Variants in ICE1 observed in about 807,000 individuals in gnomAD.
The protein encoded by ICE1 is little elongation complex subunit 1.
ICE1 carries 64 observed loss-of-function variants against 192.7 expected under a neutral mutation model. The ratio of observed to expected loss-of-function variants is 0.33; its 90% CI spans 0.27 to 0.41. The LOEUF (loss-of-function observed/expected upper bound fraction) is 0.41, where lower values mean the gene tolerates loss of function less well. Among genes scored for constraint, ICE1 ranks in the 10% least tolerant of loss-of-function variants. The pLI is 1.00. For missense variants in ICE1, 2,708 were observed against 2,696.0 expected (o/e 1.00, Z -0.10); for synonymous variants, 1,010 against 984.5 (o/e 1.03, Z -0.49).
At chr5:5,458,897 G>A (rs912114961) in intron 12 of ICE1, among the ~76,000 whole-genome samples, 8 of 151,954 alleles carry the variant, frequency 5.3e-5, no homozygotes, top group Non-Finnish European at 1.2e-4. Context: ...TTTTGAGACA[G>A]AGTCTCACTC....
At chr5:5,470,602 A>T (rs1483456572) in intron 15 of ICE1, among the ~76,000 whole-genome samples, 1 of 152,246 alleles carries the variant, frequency 6.6e-6, no homozygotes, top group African/African-American at 2.4e-5. Flanking sequence ...AGTACAGTTC[A>T]TTAATTTAAA....
Position 5,464,592 on chromosome 5 carries a change from A to G in ICE1, c.5258A>G (p.Asp1753Gly). 6.2e-7 allele frequency: 1 copy of G among 1,611,696 alleles called. No individual in the cohort carries two copies. ...CAGGAGAATTCTGTGAAAATCCTTG[A>G]CACCATGTATCCAGAGTTATCTGCC... The part of the protein sequence containing the change: ...GPQENSVKIL[D>G]TMYPELSARA... Residue 1753 changes from aspartate (D) to glycine (G), a missense_variant, in exon 13 of 19, where the codon GAC becomes GGC. Coordinates refer to ENST00000296564, the MANE Select transcript of ICE1 (RefSeq NM_015325.3). This position sits in a 1 kb window ranked among gnomAD's most constrained non-coding sequence, Gnocchi z 4.0.
At chr5:5,466,231 T>C in intron 13 of ICE1, 103 bp from the exon 14 acceptor site, 2 of 1,065,438 alleles carry the variant, frequency 1.9e-6, no homozygotes, top group Non-Finnish European at 2.6e-6. Flanking sequence ...GCAAGTTTTA[T>C]TTTTTCAATA....
intron 12 of ICE1, among the ~76,000 whole-genome samples, chr5:5,458,844 T>G (rs1425923626): frequency 2.6e-5 from 4 of 152,128 alleles, no homozygotes; most frequent in South Asian, 2.1e-4. Flanking sequence ...ACAGGCAGGG[T>G]AGCGGCTTAA....
At position 5,441,215 on chromosome 5, in the gene ICE1, G is replaced by A. The variant is rs1259294133; in HGVS notation, c.301G>A (p.Glu101Lys). Residue 101 changes from glutamate to lysine, a missense_variant, in exon 5 of 19, where the codon GAG (glutamate) becomes AAG (lysine). Coordinates refer to ENST00000296564, the MANE Select transcript of ICE1 (RefSeq NM_015325.3). ...GGGATCTTTAAAAGCAGAGCTAGAA[G>A]AGAAAAAGGTATGAACAATAATTTT... is the stretch of plus-strand genomic sequence containing the variant. ...ELGSLKAELEEKKSSLKLYQD... is the reference protein window; with the variant it reads ...ELGSLKAELEKKKSSLKLYQD... 6.5e-7 allele frequency: 1 copy of A among 1,538,960 alleles called. No individual in the cohort carries two copies. Among genetic ancestry groups the A allele is most frequent in the South Asian group, 1.2e-5 (1 of 83,840 alleles).
In ICE1 at chr5:5,489,647, C is replaced by T. The variant is rs1739734088; in HGVS notation, c.*317C>T. 1 of 193,624 alleles carries T rather than the reference C, an allele frequency of 5.2e-6. No homozygotes were observed. The highest frequency in any genetic ancestry group is 1.2e-4 in the East Asian group (1 of 8,088). The allele number at this position is 193,624 out of a possible 1,614,324, so 12.0% of individuals were successfully genotyped here. ...GCTGCAGAAAGTGTCCTTTTAGTGG[C>T]TTCTTAAAATTGAGTGGCATTTTAT... On this transcript the variant is annotated 3_prime_UTR_variant, in exon 19 of 19. Coordinates refer to ENST00000296564, the MANE Select transcript of ICE1 (RefSeq NM_015325.3).
intron 1 of ICE1, among the ~76,000 whole-genome samples, chr5:5,433,730 G>A (rs555016026): frequency 6.6e-6 from 1 of 152,214 alleles, no homozygotes; most frequent in South Asian, 2.1e-4. Flanking sequence ...AATACTGGGA[G>A]TTAGGACTTA....
chr5:5,423,437 T>C (rs577775379), intron 1 of ICE1, among the ~76,000 whole-genome samples: 8 of 16,090 alleles, frequency 5.0e-4, no homozygotes, highest in Non-Finnish European at 7.3e-4. Context: ...ACGTGACATG[T>C]GGGTTGTCTG....
At chr5:5,459,341 A>G (rs1738684490) in intron 12 of ICE1, among the ~76,000 whole-genome samples, 1 of 152,166 alleles carries the variant, frequency 6.6e-6, no homozygotes, top group Admixed American at 6.5e-5. Context: ...AATAGCAAAT[A>G]TAAGAAGTGA....
At chr5:5,446,342 T>C (rs1384811230) in intron 7 of ICE1, among the ~76,000 whole-genome samples, 1 of 152,118 alleles carries the variant, frequency 6.6e-6, no homozygotes, top group Non-Finnish European at 1.5e-5. Flanking sequence ...TCACCTAGGC[T>C]GGAGTACAGT....
Position 5,461,891 on chromosome 5 carries a change from G to A in ICE1, c.2557G>A (p.Val853Met). Reference sequence around the variant, plus strand: ...TGTAGAATTCAAGACCACTGCATCGGTGTTGCCTAATCAAGTATCAGTTAT... The same window carrying A: ...TGTAGAATTCAAGACCACTGCATCGATGTTGCCTAATCAAGTATCAGTTAT... ...NPVEFKTTAS[V>M]LPNQVSVITK... Residue 853 changes from valine (V) to methionine (M), a missense_variant, in exon 13 of 19, where the codon GTG becomes ATG. This residue lies in a region of ICE1 where 2,366 missense variants were observed against 2,276.6 expected (regional missense o/e 1.04). Coordinates refer to ENST00000296564, the MANE Select transcript of ICE1 (RefSeq NM_015325.3). 6.2e-7 allele frequency: 1 copy of A among 1,613,862 alleles called. No homozygotes were observed. Among genetic ancestry groups the A allele is most frequent in the African/African-American group, 1.3e-5 (1 of 75,050 alleles).
chr5:5,471,052 GTAAC>G (rs1191001515), intron 15 of ICE1, among the ~76,000 whole-genome samples: 1 of 152,144 alleles, frequency 6.6e-6, no homozygotes, highest in Non-Finnish European at 1.5e-5. Context: ...AGAGATAGTA[GTAAC>G]TAAGTGGAAA....
chr5:5,473,422 A>C (rs749206366), intron 15 of ICE1, 136 bp from the exon 16 acceptor site: 5 of 725,604 alleles, frequency 6.9e-6, no homozygotes, highest in Non-Finnish European at 1.1e-5. Context: ...ATGGTTCCTT[A>C]GTCAAACTGT....
At position 5,461,744 on chromosome 5, in the gene ICE1, A is replaced by G. The variant is rs748596429; in HGVS notation, c.2410A>G (p.Ser804Gly). Residue 804 changes from serine (S) to glycine (G), a missense_variant, in exon 13 of 19, where the codon AGT (serine) becomes GGT (glycine). By Grantham distance (56) the Ser-to-Gly change is moderately conservative. Transcript: ENST00000296564. ...SDLLRKGGEE[S>G]LRAKSEHEQK... The stretch of plus-strand genomic sequence containing the variant: ...TTTATTAAGGAAAGGTGGCGAAGAA[A>G]GTCTGAGAGCCAAATCAGAACATGA... The G allele has an allele frequency of 1.9e-6, 3 of 1,613,796 alleles. No individual in the cohort carries two copies. The highest frequency in any genetic ancestry group is 4.5e-5 in the East Asian group (2 of 44,878).
At chr5:5,427,170 A>C (rs1666313192) in intron 1 of ICE1, among the ~76,000 whole-genome samples, 2 of 152,202 alleles carry the variant, frequency 1.3e-5, no homozygotes, top group Non-Finnish European at 2.9e-5. Flanking sequence ...CAGATTGACT[A>C]CATTTTCTGT....
At chr5:5,466,533 A>G (rs751981195) in intron 14 of ICE1, 31 bp downstream of exon 14, 7 of 1,562,604 alleles carry the variant, frequency 4.5e-6, no homozygotes, top group Non-Finnish European at 6.1e-6. Context: ...TTTTGTATTG[A>G]AAATATACGA....
chr5:5,489,848 C>CA lies in ICE1; in HGVS notation c.*522dup, dbSNP rs887676222. 6.6e-6 allele frequency: 1 copy of CA among 152,220 alleles called. No individual in the cohort carries two copies. Among genetic ancestry groups the CA allele is most frequent in the African/African-American group, 2.4e-5 (1 of 41,448 alleles). The allele number at this position is 152,220 out of a possible 1,614,324, so 9.4% of individuals were successfully genotyped here. A position where few individuals can be genotyped will look rare whatever the true frequency, so the allele number is the denominator to read the frequency against. ...AGATGTAGTGCGTAATTGATCAGAGCAAAACATGCAGAGCCCTTAGCAGAA... is the reference window on the plus strand; with the variant it reads ...AGATGTAGTGCGTAATTGATCAGAGCAAAAACATGCAGAGCCCTTAGCAGAA... On this transcript the variant is annotated 3_prime_UTR_variant, in exon 19 of 19. Coordinates refer to ENST00000296564, the MANE Select transcript of ICE1 (RefSeq NM_015325.3).
chr5:5,424,640 G>C (rs749362196), intron 1 of ICE1, among the ~76,000 whole-genome samples: 28 of 152,200 alleles, frequency 1.8e-4, no homozygotes, highest in Non-Finnish European at 3.2e-4. Context: ...GAATTGAACA[G>C]AGATGGGGAG....
chr5:5,459,013 C>T (rs1360228818), intron 12 of ICE1, among the ~76,000 whole-genome samples: 1 of 152,130 alleles, frequency 6.6e-6, no homozygotes, highest in Non-Finnish European at 1.5e-5. Flanking sequence ...GCTGGGACTA[C>T]AGGCGCCCGC....
Sources: gnomAD v4.1 joint callset for allele counts (sites outside exome capture counted in the v4.1 genomes callset) on GRCh38, gnomAD v4.1.1 for gene constraint, gnomAD v4.1.1 regional missense constraint, Gnocchi (gnomAD v3.1) non-coding constraint, MANE v1.5 for transcripts, NCBI Gene and HGNC (gene_info 2026-07-23, HGNC 2026-07-21) for gene names.